Variants in GPC5 observed in about 807,000 individuals in gnomAD.
GPC5 encodes the protein glypican-5.
In GPC5, 47 loss-of-function variants were observed where a neutral mutation model predicts 53.9. The ratio of observed to expected loss-of-function variants is 0.87; its 90% CI spans 0.69 to 1.11. The LOEUF (loss-of-function observed/expected upper bound fraction) is 1.11. GPC5 is among the 50% of genes most tolerant of loss of function. GPC5 has a pLI of 0.00. For missense variants in GPC5, 748 were observed against 713.1 expected (o/e 1.05, Z -0.56); for synonymous variants, 286 against 263.3 (o/e 1.09, Z -0.84).
chr13:92,692,615 G>T (rs1421984534), intron 7 of GPC5, among the ~76,000 whole-genome samples: 3 of 151,232 alleles, frequency 2.0e-5, no homozygotes, highest in Admixed American at 2.0e-4. Context: ...CACCAGCATG[G>T]CACATGTATA....
At chr13:92,038,967 T>C (rs2040920459) in intron 6 of GPC5, among the ~76,000 whole-genome samples, 1 of 152,198 alleles carries the variant, frequency 6.6e-6, no homozygotes, top group Admixed American at 6.5e-5. Flanking sequence ...GAAGAAAGGA[T>C]ATCAGAGGAA....
At chr13:91,535,522 AT>A (rs1241664406) in intron 2 of GPC5, among the ~76,000 whole-genome samples, 1 of 152,194 alleles carries the variant, frequency 6.6e-6, no homozygotes, top group African/African-American at 2.4e-5. Flanking sequence ...ACATTTGTTC[AT>A]TTATTTATTC....
At chr13:91,498,490 T>C (rs1884428272) in intron 2 of GPC5, among the ~76,000 whole-genome samples, 1 of 152,082 alleles carries the variant, frequency 6.6e-6, no homozygotes, top group South Asian at 2.1e-4. Flanking sequence ...GGGGAAGGAC[T>C]TCACCATAAT....
rs1386352041 is a variant in GPC5, at chr13:91,572,091, ATG to A, written c.326-121088_326-121087del. 4.7e-3 allele frequency among the ~76,000 whole-genome samples: 603 copies of A among 127,316 alleles called. 84 individuals carry two copies. Among genetic ancestry groups the A allele is most frequent in the African/African-American group, 0.023 (548 of 24,000 alleles). The allele number at this position is 127,316 out of a possible 152,430, so 83.5% of individuals were successfully genotyped here. On this transcript the variant is annotated intron_variant, in intron 2 of 7. Transcript: ENST00000377067. ...TATATACACACATATGTATATGTAC[ATG>A]TGTGTGTATATACACACATGTATAT...
At chr13:91,769,976 T>G (rs1472823516) in intron 5 of GPC5, among the ~76,000 whole-genome samples, 2 of 152,154 alleles carry the variant, frequency 1.3e-5, no homozygotes, top group African/African-American at 2.4e-5. Flanking sequence ...TGCCCCCCAC[T>G]TTAGATGCCA....
At chr13:92,022,838 A>G (rs1328441800) in intron 6 of GPC5, among the ~76,000 whole-genome samples, 1 of 152,184 alleles carries the variant, frequency 6.6e-6, no homozygotes, top group Admixed American at 6.5e-5. Flanking sequence ...TGAGGTCTTA[A>G]AAATAAGCGT....
intron 7 of GPC5, among the ~76,000 whole-genome samples, chr13:92,473,410 G>A (rs1284879690): frequency 6.6e-6 from 1 of 152,096 alleles, no homozygotes; most frequent in African/African-American, 2.4e-5. Context: ...AAGTACTTAT[G>A]GCATGGGCCA....
At chr13:91,531,221 G>A (rs906366871) in intron 2 of GPC5, among the ~76,000 whole-genome samples, 1 of 152,196 alleles carries the variant, frequency 6.6e-6, no homozygotes, top group Admixed American at 6.5e-5. Context: ...CTTATTTTAC[G>A]GTATTGAAGT....
intron 7 of GPC5, among the ~76,000 whole-genome samples, chr13:92,655,258 A>G (rs1886088043): frequency 6.6e-6 from 1 of 151,910 alleles, no homozygotes; most frequent in Non-Finnish European, 1.5e-5. Context: ...CCACCGGCAA[A>G]CATTTTTTGT....
intron 5 of GPC5, among the ~76,000 whole-genome samples, chr13:91,852,657 C>A (rs1236358259): frequency 6.6e-6 from 1 of 151,980 alleles, no homozygotes; most frequent in Non-Finnish European, 1.5e-5. Context: ...GGGAGTATGT[C>A]TTCTCTTTTT....
intron 2 of GPC5, among the ~76,000 whole-genome samples, chr13:91,659,589 A>G (rs1234313593): frequency 6.6e-6 from 1 of 152,254 alleles, no homozygotes; most frequent in African/African-American, 2.4e-5. Context: ...GTTACAATAT[A>G]TGTGAAAATA....
At chr13:91,923,290 A>G (rs771609593) in intron 6 of GPC5, among the ~76,000 whole-genome samples, 3 of 152,148 alleles carry the variant, frequency 2.0e-5, no homozygotes, top group Non-Finnish European at 4.4e-5. Context: ...ATGTAATTTT[A>G]TGAATGTGCT....
In GPC5 at chr13:91,597,779, A is replaced by C. The variant is rs539199627; in HGVS notation, c.326-95408A>C. Among the ~76,000 whole-genome samples, 26 of 152,160 alleles carry C rather than the reference A, an allele frequency of 1.7e-4. 1 individual carries two copies. The South Asian group carries it at 4.6e-3, about 27-fold the overall frequency. On this transcript the variant is annotated intron_variant, in intron 2 of 7. Transcript: ENST00000377067. ...CAAAATGGGGCATATTCCTTATGGC[A>C]TTATCCCTGATACCCTTTCAGCTTG...
At chr13:91,691,762 C>T (rs2035762405) in intron 2 of GPC5, among the ~76,000 whole-genome samples, 1 of 152,138 alleles carries the variant, frequency 6.6e-6, no homozygotes, top group Non-Finnish European at 1.5e-5. Flanking sequence ...GTAGCTCTCT[C>T]TGCACCTCTG....
chr13:91,894,408 C>A (rs1594646804), intron 5 of GPC5, among the ~76,000 whole-genome samples: 2 of 152,280 alleles, frequency 1.3e-5, no homozygotes, highest in South Asian at 4.1e-4. Context: ...GTTGCAGTCT[C>A]TTAATTTTGT....
At chr13:91,830,891 TATATATATCCTATTATATATA>T (rs1242174536) in intron 5 of GPC5, among the ~76,000 whole-genome samples, 7 of 127,402 alleles carry the variant, frequency 5.5e-5, no homozygotes, top group East Asian at 2.0e-4. Flanking sequence ...TTATATATAA[TATATATATCCTATTATATATA>T]ATATATATCC....
At chr13:92,484,374 A>G (rs761846555) in intron 7 of GPC5, among the ~76,000 whole-genome samples, 12 of 152,240 alleles carry the variant, frequency 7.9e-5, no homozygotes. Context: ...TAAAATAACT[A>G]TAAAAAGTAG....
intron 7 of GPC5, among the ~76,000 whole-genome samples, chr13:92,427,196 A>T (rs151085379): frequency 6.6e-6 from 1 of 151,654 alleles, no homozygotes; most frequent in Non-Finnish European, 1.5e-5. Flanking sequence ...TCGATTTCTA[A>T]GTTGGAAGCT....
At chr13:92,472,988 A>C (rs1878969447) in intron 7 of GPC5, among the ~76,000 whole-genome samples, 1 of 152,098 alleles carries the variant, frequency 6.6e-6, no homozygotes, top group Non-Finnish European at 1.5e-5. Context: ...ATCTAATGAA[A>C]AAACTGATCT....
Sources: gnomAD v4.1 joint callset for allele counts (sites outside exome capture counted in the v4.1 genomes callset) on GRCh38, gnomAD v4.1.1 for gene constraint, MANE v1.5 for transcripts, NCBI Gene and HGNC (gene_info 2026-07-23, HGNC 2026-07-21) for gene names.